VGLL3: variants seen among roughly 807,000 people sequenced by gnomAD.
VGLL3 encodes the protein vestigial like family member 3.
Under a neutral mutation model 29.2 loss-of-function variants are expected in VGLL3, and 18 were observed. That is an observed-to-expected ratio of 0.62 (90% CI 0.43 to 0.91). The LOEUF (loss-of-function observed/expected upper bound fraction) is 0.91. VGLL3 is among the 40% of genes least tolerant of loss of function. The probability of loss-of-function intolerance (pLI) is 0.00; values close to 1 mark genes in which losing one functional copy is unlikely to be tolerated. For missense variants in VGLL3, 440 were observed against 413.2 expected, an observed-to-expected ratio of 1.06 and a Z score of -0.56; for synonymous variants, 180 against 151.8, an observed-to-expected ratio of 1.19 and a Z score of -1.36.
At chr3:86,961,223 C>A (rs762645953) in intron 3 of VGLL3, among the ~76,000 whole-genome samples, 1 of 151,922 alleles carries the variant, frequency 6.6e-6, no homozygotes, top group East Asian at 1.9e-4. Context: ...AAAGAAGTCA[C>A]ACCACAAAGC....
chr3:86,973,595 T>C (rs1898267), intron 2 of VGLL3, among the ~76,000 whole-genome samples: 12,083 of 152,152 alleles, frequency 0.079, 1,251 homozygotes, highest in African/African-American at 0.24. Context: ...CAAGGGATGA[T>C]GTCAGAGGCC....
intron 3 of VGLL3, among the ~76,000 whole-genome samples, chr3:86,952,384 A>G (rs2106968470): frequency 6.6e-6 from 1 of 152,292 alleles, no homozygotes; most frequent in Non-Finnish European, 1.5e-5. Context: ...TCTACTTCTG[A>G]GAAAGTATAG....
intron 2 of VGLL3, among the ~76,000 whole-genome samples, chr3:86,970,330 G>A (rs894859595): frequency 6.6e-6 from 1 of 152,012 alleles, no homozygotes; most frequent in Non-Finnish European, 1.5e-5. Context: ...AAGGTGACAC[G>A]GTAGGTATTC....
intron 2 of VGLL3, among the ~76,000 whole-genome samples, chr3:86,971,283 A>G (rs1012579751): frequency 6.6e-6 from 1 of 152,176 alleles, no homozygotes; most frequent in African/African-American, 2.4e-5. Flanking sequence ...TGGTGTGTGA[A>G]CATTTCCTCT....
Position 86,990,944 on chromosome 3 carries a change from C to T in VGLL3, c.-201G>A, listed in dbSNP as rs965231334. 4.6e-6 allele frequency: 5 copies of T among 1,078,620 alleles called. No individual in the cohort carries two copies. In the Admixed American group the frequency reaches 2.6e-4, roughly 57 times the overall value. 66.8% of individuals were successfully genotyped at this position (1,078,620 alleles called of 1,614,324 possible). A position where few individuals can be genotyped will look rare whatever the true frequency, so the allele number is the denominator to read the frequency against. ...GACTGGCAATCAGCGGGGGCCCATG[C>T]GCGGGCACCTTCATCTTCAGCCCCT... On this transcript the variant is annotated 5_prime_UTR_variant, in exon 1 of 4. Coordinates refer to ENST00000398399, the MANE Select transcript of VGLL3 (RefSeq NM_016206.4).
At chr3:86,988,557 C>G (rs559428802) in intron 1 of VGLL3, among the ~76,000 whole-genome samples, 1 of 143,588 alleles carries the variant, frequency 7.0e-6, no homozygotes, top group African/African-American at 2.5e-5. Context: ...ACTTCTGACA[C>G]TAAAAGAACA....
Position 86,939,476 on chromosome 3 carries a change from T to G in VGLL3, c.*7548A>C, listed in dbSNP as rs1316794426. 1.3e-5 allele frequency: 2 copies of G among 152,174 alleles called. No homozygotes were observed. The highest frequency in any genetic ancestry group is 2.9e-5 in the Non-Finnish European group (2 of 68,090). 9.4% of individuals were successfully genotyped at this position (152,174 alleles called of 1,614,324 possible). On this transcript the variant is annotated 3_prime_UTR_variant, in exon 4 of 4. Coordinates refer to ENST00000398399, the MANE Select transcript of VGLL3 (RefSeq NM_016206.4). Reference sequence around the variant, plus strand: ...CCCGTCTCTACTAAAATACAAAATATTAGCCTTGTGTGGTAGCACGCATCT... The same window carrying G: ...CCCGTCTCTACTAAAATACAAAATAGTAGCCTTGTGTGGTAGCACGCATCT...
At chr3:86,973,376 G>C (rs187281188) in intron 2 of VGLL3, among the ~76,000 whole-genome samples, 7 of 152,190 alleles carry the variant, frequency 4.6e-5, no homozygotes, top group Admixed American at 2.6e-4. Context: ...CAATTCTTAA[G>C]CTAAAGTGTT....
intron 3 of VGLL3, among the ~76,000 whole-genome samples, chr3:86,948,165 C>T (rs2106958868): frequency 6.6e-6 from 1 of 152,208 alleles, no homozygotes; most frequent in South Asian, 2.1e-4. Flanking sequence ...ATAATAGGTG[C>T]TTCTATGTTG....
At chr3:86,965,964 T>G (rs1704948508) in intron 3 of VGLL3, among the ~76,000 whole-genome samples, 1 of 152,134 alleles carries the variant, frequency 6.6e-6, no homozygotes, top group South Asian at 2.1e-4. Flanking sequence ...CTAGAAAAAT[T>G]GACGTACAAC....
intron 1 of VGLL3, chr3:86,990,277 T>C: frequency 1.0e-6 from 1 of 979,744 alleles, no homozygotes. Flanking sequence ...ACAAAATAGT[T>C]GGTTGAAAGG....
At chr3:86,988,189 C>A (rs939318407) in intron 1 of VGLL3, among the ~76,000 whole-genome samples, 1 of 152,024 alleles carries the variant, frequency 6.6e-6, no homozygotes, top group Admixed American at 6.6e-5. Context: ...TTTTAAATGG[C>A]TATTAAAATT....
chr3:86,982,471 G>C (rs1705347221), intron 1 of VGLL3, among the ~76,000 whole-genome samples: 1 of 148,460 alleles, frequency 6.7e-6, no homozygotes, highest in African/African-American at 2.5e-5. Context: ...TTTTAACTAA[G>C]TATTTTGCTC....
In VGLL3 at chr3:86,946,759, G is replaced by A; in HGVS notation, c.*265C>T. 2.9e-6 allele frequency: 1 copy of A among 350,446 alleles called. No homozygotes were observed. Among genetic ancestry groups the A allele is most frequent in the Non-Finnish European group, 5.1e-6 (1 of 194,396 alleles). 21.7% of individuals were successfully genotyped at this position (350,446 alleles called of 1,614,324 possible). On this transcript the variant is annotated 3_prime_UTR_variant, in exon 4 of 4. Coordinates refer to ENST00000398399, the MANE Select transcript of VGLL3 (RefSeq NM_016206.4). ...TGAAACAAAAACTTAGCTATATATT[G>A]ATAAAAGCAAGATAACAAAAGGAGA...
At chr3:86,976,344 T>C (rs1264865783) in intron 2 of VGLL3, among the ~76,000 whole-genome samples, 2 of 152,244 alleles carry the variant, frequency 1.3e-5, no homozygotes, top group Non-Finnish European at 2.9e-5. Context: ...CACAGGGCTT[T>C]TGTTATCACC....
intron 1 of VGLL3, among the ~76,000 whole-genome samples, chr3:86,985,730 G>C (rs1325734064): frequency 1.3e-5 from 2 of 152,176 alleles, no homozygotes; most frequent in Non-Finnish European, 2.9e-5. Context: ...CACTGTCCCT[G>C]ACAGAGCCTC....
intron 1 of VGLL3, among the ~76,000 whole-genome samples, chr3:86,990,100 G>C (rs138041634): frequency 6.6e-6 from 1 of 152,238 alleles, no homozygotes; most frequent in East Asian, 1.9e-4. Context: ...AGATTCTGTG[G>C]AGAAGTTCTA....
Position 86,968,801 on chromosome 3 carries a change from G to T in VGLL3, c.726C>A (p.His242Gln). 6.2e-7 allele frequency: 1 copy of T among 1,614,150 alleles called. No individual in the cohort carries two copies. Among genetic ancestry groups the T allele is most frequent in the Middle Eastern group, 1.6e-4 (1 of 6,062 alleles). Reference protein sequence around the residue: ...PHAHMHHRHRHHHHHHHPPAG... With the variant: ...PHAHMHHRHRQHHHHHHPPAG... Reference sequence around the variant, plus strand: ...CAGGAGGGTGGTGATGGTGATGATGGTGGCGGTGGCGGTGGTGCATGTGGG... The same window carrying T: ...CAGGAGGGTGGTGATGGTGATGATGTTGGCGGTGGCGGTGGTGCATGTGGG... Residue 242 changes from histidine (H) to glutamine (Q), a missense_variant, in exon 3 of 4, where the codon CAC becomes CAA. By Grantham distance (24) the His-to-Gln change is conservative (BLOSUM62 0). Coordinates refer to ENST00000398399, the MANE Select transcript of VGLL3 (RefSeq NM_016206.4).
intron 3 of VGLL3, among the ~76,000 whole-genome samples, chr3:86,959,129 C>G (rs1704784500): frequency 6.6e-6 from 1 of 152,050 alleles, no homozygotes; most frequent in Non-Finnish European, 1.5e-5. Context: ...TGAGATAATG[C>G]CCTCAAGGTA....
Sources: allele counts gnomAD v4.1 joint callset (sites outside exome capture counted in the v4.1 genomes callset), GRCh38; gene constraint gnomAD v4.1.1; transcripts MANE v1.5; gene names NCBI Gene and HGNC (gene_info 2026-07-23, HGNC 2026-07-21).